The following ADAM10 variants were observed in gnomAD, a reference collection of about 807,000 sequenced individuals.
The protein encoded by ADAM10 is disintegrin and metalloproteinase domain-containing protein 10.
ADAM10 carries 17 observed loss-of-function variants against 90.1 expected under a neutral mutation model. That is an observed-to-expected ratio of 0.19 (90% CI 0.13 to 0.28). The LOEUF (loss-of-function observed/expected upper bound fraction) is 0.28. Among genes scored for constraint, ADAM10 ranks in the 10% least tolerant of loss-of-function variants. The probability of loss-of-function intolerance (pLI) is 1.00; values close to 1 mark genes in which losing one functional copy is unlikely to be tolerated. For missense variants in ADAM10, 610 were observed against 914.3 expected, an observed-to-expected ratio of 0.67 and a Z score of 4.29; for synonymous variants, 310 against 298.6, an observed-to-expected ratio of 1.04 and a Z score of -0.40.
chr15:58,741,241 G>A lies in ADAM10; in HGVS notation c.55+8239C>T, dbSNP rs565414297. Reference sequence around the variant, plus strand: ...AAGATCGCATTATTTTCCCCTATTTGTCTTGGAAACAGAAGTTCATAGTTC... The same window carrying A: ...AAGATCGCATTATTTTCCCCTATTTATCTTGGAAACAGAAGTTCATAGTTC... On this transcript the variant is annotated intron_variant, in intron 1 of 15. Coordinates refer to ENST00000260408, the MANE Select transcript of ADAM10 (RefSeq NM_001110.4). 3.3e-5 allele frequency among the ~76,000 whole-genome samples: 5 copies of A among 152,188 alleles called. No individual in the cohort carries two copies. In the South Asian group the frequency reaches 1.0e-3, roughly 32 times the overall value.
chr15:58,627,275 C>T (rs1014459488), intron 10 of ADAM10, among the ~76,000 whole-genome samples: 3 of 152,008 alleles, frequency 2.0e-5, no homozygotes, highest in Non-Finnish European at 4.4e-5. Context: ...TGGGACAGAG[C>T]CTGATTGGGA....
chr15:58,694,937 G>A (rs925256080), intron 2 of ADAM10, among the ~76,000 whole-genome samples: 6 of 152,102 alleles, frequency 3.9e-5, no homozygotes, highest in Non-Finnish European at 7.4e-5. Flanking sequence ...TGATACGACA[G>A]AAACATTCTT....
chr15:58,691,212 T>C (rs1319378637), intron 2 of ADAM10: 1 of 782,706 alleles, frequency 1.3e-6, no homozygotes, highest in Non-Finnish European at 2.3e-6. Flanking sequence ...CCTGCAGAGG[T>C]TCTCAAACTT....
intron 5 of ADAM10, among the ~76,000 whole-genome samples, chr15:58,656,621 C>A (rs1157984223): frequency 1.3e-5 from 2 of 151,892 alleles, no homozygotes; most frequent in African/African-American, 4.8e-5. Context: ...TAACTTTGTC[C>A]CCCTGCTTTT....
intron 11 of ADAM10, among the ~76,000 whole-genome samples, chr15:58,620,113 G>A (rs6494028): frequency 0.99 from 150,807 of 152,222 alleles, 74,717 homozygotes; most frequent in Middle Eastern, 1. Flanking sequence ...TTAATTTATC[G>A]CTTTCTCTCC....
chr15:58,691,171 C>T (rs1317031430), intron 2 of ADAM10: 2 of 714,082 alleles, frequency 2.8e-6, no homozygotes, highest in African/African-American at 3.5e-5. Context: ...GTCACCCGCT[C>T]AACCTTCTTA....
In ADAM10 at chr15:58,682,234, T is replaced by A. The variant is rs199576411; in HGVS notation, c.287A>T (p.Asp96Val). The A allele has an allele frequency of 1.2e-5, 20 of 1,612,956 alleles. No individual in the cohort carries two copies. The highest frequency in any genetic ancestry group is 1.7e-5 in the Non-Finnish European group (20 of 1,179,496). ...AGTGTAAATATGAGAGGTATCATAATCAAGTACTTTATTTGATGTTTCTAC... is the reference window on the plus strand; with the variant it reads ...AGTGTAAATATGAGAGGTATCATAAACAAGTACTTTATTTGATGTTTCTAC... ...FKVETSNKVL[D>V]YDTSHIYTGH... The change falls in exon 3 of 16, where the codon GAT (aspartate) becomes GTT (valine). Residue 96 changes from aspartate (D) to valine (V), a missense_variant. By Grantham distance (152) the Asp-to-Val change is radical. Coordinates refer to ENST00000260408, the MANE Select transcript of ADAM10 (RefSeq NM_001110.4).
At chr15:58,609,815 T>C (rs1895386251) in intron 14 of ADAM10, 1 of 166,820 alleles carries the variant, frequency 6.0e-6, no homozygotes, top group Non-Finnish European at 1.3e-5. Context: ...TGAACATCCA[T>C]AATCATTAGT....
At chr15:58,616,888 C>A (rs1215215564) in intron 11 of ADAM10, among the ~76,000 whole-genome samples, 1 of 152,134 alleles carries the variant, frequency 6.6e-6, no homozygotes, top group African/African-American at 2.4e-5. Context: ...GCGGACAGAT[C>A]ACAAGGTCAA....
chr15:58,638,614 CA>C (rs60048171), intron 8 of ADAM10, among the ~76,000 whole-genome samples: 16,162 of 78,368 alleles, frequency 0.21, 807 homozygotes, highest in East Asian at 0.37. Flanking sequence ...CACTCTGTCT[CA>C]AAAAAAAAAA....
intron 10 of ADAM10, among the ~76,000 whole-genome samples, chr15:58,622,764 A>G (rs1359957768): frequency 6.6e-6 from 1 of 152,230 alleles, no homozygotes; most frequent in Non-Finnish European, 1.5e-5. Flanking sequence ...ATTTTTGTCA[A>G]TGGAATTTAA....
chr15:58,642,586 TA>T (rs1215248169), intron 7 of ADAM10, among the ~76,000 whole-genome samples: 1 of 151,966 alleles, frequency 6.6e-6, no homozygotes, highest in Non-Finnish European at 1.5e-5. Flanking sequence ...AAAACTTTAC[TA>T]AAGTTTTAAT....
chr15:58,655,276 T>A (rs1896779668), intron 5 of ADAM10: 1 of 153,332 alleles, frequency 6.5e-6, no homozygotes, highest in Admixed American at 6.6e-5. Flanking sequence ...AATTGGCTCA[T>A]CGTTCTGCAG....
rs7169958 is a variant in ADAM10, at chr15:58,729,460, A to C, written c.56-11733T>G. On this transcript the variant is annotated intron_variant, in intron 1 of 15. Coordinates refer to ENST00000260408, the MANE Select transcript of ADAM10 (RefSeq NM_001110.4). ...CAATGCAGAATCCTAGGCTCCCAGC[A>C]GATCTACTGACCCCACAAATGACTC... 3.5e-3 allele frequency among the ~76,000 whole-genome samples: 537 copies of C among 152,348 alleles called. 4 individuals are homozygous for C. The highest frequency in any genetic ancestry group is 0.012 in the African/African-American group (516 of 41,582).
At chr15:58,621,222 C>T (rs574304706) in intron 11 of ADAM10, among the ~76,000 whole-genome samples, 116 of 135,350 alleles carry the variant, frequency 8.6e-4, no homozygotes, top group African/African-American at 3.0e-3. Context: ...GAGATCATGC[C>T]ACTGCACTCC....
intron 11 of ADAM10, among the ~76,000 whole-genome samples, chr15:58,618,763 A>G (rs1163952167): frequency 6.6e-6 from 1 of 152,208 alleles, no homozygotes; most frequent in East Asian, 1.9e-4. Flanking sequence ...AAAATGTTCA[A>G]TATCACTAAT....
chr15:58,718,057 G>C (rs549647450), intron 1 of ADAM10, among the ~76,000 whole-genome samples: 2 of 152,222 alleles, frequency 1.3e-5, no homozygotes, highest in African/African-American at 2.4e-5. Flanking sequence ...AGCATTTTAG[G>C]AGGCTGAGAT....
intron 1 of ADAM10, among the ~76,000 whole-genome samples, chr15:58,737,417 T>C (rs2140845103): frequency 6.6e-6 from 1 of 152,252 alleles, no homozygotes; most frequent in Non-Finnish European, 1.5e-5. Context: ...TCAAATACTG[T>C]AAGTACAAAG....
rs538390038 is a variant in ADAM10 at position 58,620,235 on chromosome 15, G to C, written c.1511+1236C>G. Among the ~76,000 whole-genome samples the C allele has an allele frequency of 1.7e-4, 26 of 152,262 alleles. No homozygotes were observed. The East Asian group carries it at 4.8e-3, about 28-fold the overall frequency. On this transcript the variant is annotated intron_variant, in intron 11 of 15. Transcript: ENST00000260408. ...AATCCTAGCACTTCGGGAGGCGAAG[G>C]TGGGCAGATCACTTGAGATCAGGAG...
Sources: gnomAD v4.1 joint callset for allele counts (sites outside exome capture counted in the v4.1 genomes callset) on GRCh38, gnomAD v4.1.1 for gene constraint, MANE v1.5 for transcripts, NCBI Gene and HGNC (gene_info 2026-07-23, HGNC 2026-07-21) for gene names.